Variants in GABRB1 observed in about 807,000 individuals in gnomAD.
GABRB1 encodes gamma-aminobutyric acid receptor subunit beta-1.
Under a neutral mutation model 51.6 loss-of-function variants are expected in GABRB1, and 17 were observed. The ratio of observed to expected loss-of-function variants is 0.33; its 90% CI spans 0.23 to 0.49. The LOEUF (loss-of-function observed/expected upper bound fraction) is 0.49, where lower values mean the gene tolerates loss of function less well. Among genes scored for constraint, GABRB1 ranks in the 20% least tolerant of loss-of-function variants. The probability of loss-of-function intolerance (pLI) is 0.99; values close to 1 mark genes in which losing one functional copy is unlikely to be tolerated. For synonymous variants in GABRB1, 247 were observed against 218.9 expected (o/e 1.13, Z -1.14); for missense variants, 410 against 600.6 (o/e 0.68, Z 3.32).
intron 4 of GABRB1, among the ~76,000 whole-genome samples, chr4:47,169,170 AT>A (rs1212904325): frequency 2.6e-5 from 4 of 152,184 alleles, no homozygotes; most frequent in African/African-American, 9.7e-5. Context: ...TTCTAAACCT[AT>A]TTAGCATTTG....
chr4:47,425,519 T>TAGATAGATCGAC (rs1553884616), intron 8 of GABRB1, among the ~76,000 whole-genome samples, 155 bp from the exon 9 acceptor site: 1 of 148,508 alleles, frequency 6.7e-6, no homozygotes, highest in African/African-American at 2.6e-5. Context: ...GATAGATAGA[T>TAGATAGATCGAC]CGATCGATCT....
intron 3 of GABRB1, among the ~76,000 whole-genome samples, chr4:47,119,410 T>C (rs1715654737): frequency 6.6e-6 from 1 of 151,918 alleles, no homozygotes; most frequent in Non-Finnish European, 1.5e-5. Flanking sequence ...AAAAGTTTAT[T>C]AAATTTGACC....
At chr4:47,339,309 T>A (rs964588682) in intron 5 of GABRB1, among the ~76,000 whole-genome samples, 1 of 152,182 alleles carries the variant, frequency 6.6e-6, no homozygotes. Context: ...CCACAGCATC[T>A]GTGTACATTT....
chr4:47,343,880 C>G (rs1384303587), intron 5 of GABRB1, among the ~76,000 whole-genome samples: 2 of 152,178 alleles, frequency 1.3e-5, no homozygotes, highest in African/African-American at 4.8e-5. Flanking sequence ...AACTCAGAAA[C>G]TTTTAGTAAC....
rs188969404 is a variant in GABRB1 at position 47,250,533 on chromosome 4, C to T, written c.462-69594C>T. On this transcript the variant is annotated intron_variant, in intron 4 of 8. Coordinates refer to ENST00000295454, the MANE Select transcript of GABRB1 (RefSeq NM_000812.4). ...GCCAGGGAAGTTTTCCTCAATTATT[C>T]TCCCAAAAATATTTTCCAAGATTTT... Among the ~76,000 whole-genome samples, 151 of 152,262 alleles carry T rather than the reference C, an allele frequency of 9.9e-4. 2 individuals carry two copies. The highest frequency in any genetic ancestry group is 3.5e-3 in the African/African-American group (146 of 41,546).
At chr4:47,082,709 T>C (rs560953487) in intron 3 of GABRB1, among the ~76,000 whole-genome samples, 30 of 152,192 alleles carry the variant, frequency 2.0e-4, no homozygotes, top group Non-Finnish European at 3.8e-4. Context: ...GATACTGGGG[T>C]ATACTGTTTC....
At chr4:47,406,494 G>A (rs1231794587) in intron 7 of GABRB1, among the ~76,000 whole-genome samples, 188 bp from the exon 8 acceptor site, 1 of 152,196 alleles carries the variant, frequency 6.6e-6, no homozygotes, top group Non-Finnish European at 1.5e-5. Context: ...ATTCATTAAT[G>A]GACTATGTAG....
chr4:47,069,390 A>G (rs1286439803), intron 3 of GABRB1, among the ~76,000 whole-genome samples: 1 of 152,226 alleles, frequency 6.6e-6, no homozygotes, highest in Admixed American at 6.5e-5. Context: ...TCAGTCCTCC[A>G]ATGAACCCTG....
intron 4 of GABRB1, among the ~76,000 whole-genome samples, chr4:47,218,115 A>T (rs1327572458): frequency 6.6e-6 from 1 of 151,664 alleles, no homozygotes; most frequent in African/African-American, 2.4e-5. Context: ...GGTTTATTTC[A>T]CTTAATGTAA....
At chr4:47,407,782 A>C (rs1455385330) in intron 8 of GABRB1, among the ~76,000 whole-genome samples, 1 of 152,150 alleles carries the variant, frequency 6.6e-6, no homozygotes. Flanking sequence ...CAAATATCAA[A>C]AGGATAATTT....
intron 4 of GABRB1, among the ~76,000 whole-genome samples, chr4:47,176,686 G>A (rs1718716490): frequency 1.3e-5 from 2 of 151,828 alleles, no homozygotes; most frequent in African/African-American, 4.8e-5. Flanking sequence ...TGGAGATGAG[G>A]TCCAATGTCA....
At chr4:47,105,834 G>A (rs533945632) in intron 3 of GABRB1, among the ~76,000 whole-genome samples, 6 of 152,160 alleles carry the variant, frequency 3.9e-5, no homozygotes, top group African/African-American at 1.4e-4. Flanking sequence ...GTGAGTTAGT[G>A]TAAATTTCTC....
At chr4:47,398,567 G>GAGAGAC (rs1560368463) in intron 5 of GABRB1, among the ~76,000 whole-genome samples, 1 of 152,102 alleles carries the variant, frequency 6.6e-6, no homozygotes, top group Non-Finnish European at 1.5e-5. Flanking sequence ...TAGAGAGAGA[G>GAGAGAC]AGAGAGAGAG....
chr4:47,085,329 C>T (rs1278133558), intron 3 of GABRB1, among the ~76,000 whole-genome samples: 1 of 152,114 alleles, frequency 6.6e-6, no homozygotes, highest in Non-Finnish European at 1.5e-5. Context: ...ATGTGTTATT[C>T]TACTTTAGAT....
chr4:47,121,826 C>T (rs1047088994), intron 3 of GABRB1, among the ~76,000 whole-genome samples: 1 of 151,632 alleles, frequency 6.6e-6, no homozygotes, highest in Non-Finnish European at 1.5e-5. Context: ...GACTTATAAA[C>T]GATTATTCTA....
intron 4 of GABRB1, among the ~76,000 whole-genome samples, chr4:47,281,122 A>G (rs1377623787): frequency 6.6e-6 from 1 of 152,174 alleles, no homozygotes; most frequent in Non-Finnish European, 1.5e-5. Context: ...TTGACTGGGA[A>G]AACAATATTT....
chr4:47,335,841 G>A (rs1293346601), intron 5 of GABRB1, among the ~76,000 whole-genome samples: 1 of 152,140 alleles, frequency 6.6e-6, no homozygotes, highest in Non-Finnish European at 1.5e-5. Flanking sequence ...CCATGAGAAG[G>A]GCAATCCAAG....
chr4:47,044,946 C>T (rs1341154859), intron 3 of GABRB1, among the ~76,000 whole-genome samples: 2 of 151,960 alleles, frequency 1.3e-5, no homozygotes, highest in Non-Finnish European at 2.9e-5. Flanking sequence ...AACAAAATTT[C>T]AATTGGTATA....
intron 4 of GABRB1, among the ~76,000 whole-genome samples, chr4:47,247,897 C>A (rs578043909): frequency 2.3e-4 from 35 of 152,032 alleles, no homozygotes; most frequent in Admixed American, 7.2e-4. Context: ...TTTATCAGTT[C>A]TTGGAGCTTT....
Sources: allele counts gnomAD v4.1 joint callset (sites outside exome capture counted in the v4.1 genomes callset), GRCh38; gene constraint gnomAD v4.1.1; transcripts MANE v1.5; gene names NCBI Gene and HGNC (gene_info 2026-07-23, HGNC 2026-07-21).